LRRC36: variants seen among roughly 807,000 people sequenced by gnomAD.
The protein encoded by LRRC36 is leucine rich repeat containing 36, also known as leucine-rich repeat-containing protein 36.
A neutral mutation model predicts 81.1 loss-of-function variants in LRRC36; 62 were observed. The observed-to-expected ratio is 0.76, with a 90% CI of 0.62 to 0.94. LRRC36 has a LOEUF of 0.94. Among genes scored for constraint, LRRC36 ranks in the 40% least tolerant of loss-of-function variants. LRRC36 has a pLI of 0.00. For synonymous variants in LRRC36, 334 were observed against 348.6 expected (o/e 0.96, Z 0.47); for missense variants, 761 against 881.7 (o/e 0.86, Z 1.73).
At chr16:67,339,233 C>T (rs1472976273) in intron 1 of LRRC36, among the ~76,000 whole-genome samples, 3 of 146,292 alleles carry the variant, frequency 2.1e-5, no homozygotes, top group South Asian at 4.4e-4. Context: ...TTTGCTCTTG[C>T]ACCATAAGTG....
Position 67,376,852 on chromosome 16 carries a change from C to T in LRRC36, c.1786C>T (p.Gln596Ter). ...RRELELKEAA[Q>*]LVPNDMESLK... The stretch of plus-strand genomic sequence containing the variant: ...GGAGCTTGAACTGAAGGAGGCTGCG[C>T]AGCTGGTCCCTAATGACATGGTATG... The change falls in exon 11 of 14, where the codon CAG becomes TAG. Residue 596 changes from glutamine (Q) to a stop codon, truncating the protein, a stop_gained. Transcript: ENST00000329956. LOFTEE classifies it high-confidence loss of function. 1 of 1,612,972 alleles carries T rather than the reference C, an allele frequency of 6.2e-7. No individual in the cohort carries two copies. Among genetic ancestry groups the T allele is most frequent in the South Asian group, 1.1e-5 (1 of 91,022 alleles).
At chr16:67,340,287 C>T (rs1331129562) in intron 1 of LRRC36, among the ~76,000 whole-genome samples, 3 of 152,150 alleles carry the variant, frequency 2.0e-5, no homozygotes, top group South Asian at 2.1e-4. Context: ...GGTTGCTATT[C>T]GCAGTTTGGC....
At position 67,344,469 on chromosome 16, in the gene LRRC36, C is replaced by T. The variant is rs149269248; in HGVS notation, c.199-1787C>T. On this transcript the variant is annotated intron_variant, in intron 2 of 13. Coordinates refer to ENST00000329956, the MANE Select transcript of LRRC36 (RefSeq NM_018296.6). The stretch of plus-strand genomic sequence containing the variant: ...CAAAAACCATAGTTGTTGGTGCGTG[C>T]CTATAATCCCAGCTATTTGGGAGGC... Among the ~76,000 whole-genome samples the T allele has an allele frequency of 2.4e-3, 368 of 152,164 alleles. 7 individuals are homozygous for T. Among genetic ancestry groups the T allele is most frequent in the East Asian group, 0.018 (94 of 5,174 alleles).
intron 9 of LRRC36, among the ~76,000 whole-genome samples, 166 bp from the exon 10 acceptor site, chr16:67,375,081 C>T (rs770411690): frequency 1.3e-4 from 20 of 151,400 alleles, no homozygotes; most frequent in Non-Finnish European, 7.4e-5. Flanking sequence ...GAGCCCAGAT[C>T]GCACCACTGC....
At chr16:67,362,660 A>G (rs546448215) in intron 5 of LRRC36, among the ~76,000 whole-genome samples, 27 of 152,344 alleles carry the variant, frequency 1.8e-4, no homozygotes, top group African/African-American at 5.3e-4. Context: ...ATTAGTTACA[A>G]TTGAATAAAA....
chr16:67,360,877 C>T (rs532211524), intron 5 of LRRC36, among the ~76,000 whole-genome samples: 114 of 152,292 alleles, frequency 7.5e-4, no homozygotes, highest in African/African-American at 2.7e-3. Flanking sequence ...TTGCTACTAT[C>T]TTCTTACATA....
At position 67,363,641 on chromosome 16, in the gene LRRC36, C is replaced by G. The variant is rs749608719; in HGVS notation, c.629C>G (p.Ser210Cys). The G allele has an allele frequency of 1.2e-6, 2 of 1,613,950 alleles. No homozygotes were observed. The highest frequency in any genetic ancestry group is 1.3e-5 in the African/African-American group (1 of 75,040). The change falls in exon 6 of 14, where the codon TCC (serine) becomes TGC (cysteine). Residue 210 changes from serine (S) to cysteine (C), a missense_variant. Physicochemically the swap from Ser to Cys is moderately radical, Grantham distance 112. Around this residue, in one of 3 missense-constraint regions of LRRC36, gnomAD observed 263 missense variants for 279.3 expected, o/e 0.94. Coordinates refer to ENST00000329956, the MANE Select transcript of LRRC36 (RefSeq NM_018296.6). ...IPFPNREIKDSLSTSATQGNG... is the reference protein window; with the variant it reads ...IPFPNREIKDCLSTSATQGNG... The stretch of plus-strand genomic sequence containing the variant: ...TTCCCCAACCGGGAAATAAAGGATT[C>G]CCTAAGTACTTCTGCAACTCAGGGC...
In LRRC36 at chr16:67,326,838, G is replaced by C; in HGVS notation, c.-25G>C. ...GCGTGCGCCGGGTGGTCTCGCGGGC[G>C]GTGGCAGGTGAGCGGCGGGCGGGGA... On this transcript the variant is annotated 5_prime_UTR_variant, in exon 1 of 14. Transcript: ENST00000329956. 4 of 1,419,662 alleles carry C rather than the reference G, an allele frequency of 2.8e-6. No homozygotes were observed. Among genetic ancestry groups the C allele is most frequent in the East Asian group, 6.1e-5 (2 of 32,906 alleles). The allele number at this position is 1,419,662 out of a possible 1,614,324, so 87.9% of individuals were successfully genotyped here. A position where few individuals can be genotyped will look rare whatever the true frequency, so the allele number is the denominator to read the frequency against.
chr16:67,359,230 A>G (rs1461712410), intron 5 of LRRC36, among the ~76,000 whole-genome samples: 1 of 152,240 alleles, frequency 6.6e-6, no homozygotes, highest in Non-Finnish European at 1.5e-5. Flanking sequence ...CAGGAATGAA[A>G]GCAGCATTAT....
intron 2 of LRRC36, among the ~76,000 whole-genome samples, chr16:67,344,616 CTT>C (rs1204051465): frequency 6.6e-6 from 1 of 151,976 alleles, no homozygotes; most frequent in Non-Finnish European, 1.5e-5. Context: ...AACAAAAAAA[CTT>C]GAGCTGGGCC....
chr16:67,360,995 C>G (rs1235598711), intron 5 of LRRC36, among the ~76,000 whole-genome samples: 1 of 152,170 alleles, frequency 6.6e-6, no homozygotes, highest in Non-Finnish European at 1.5e-5. Context: ...ATGTATTGAT[C>G]AAGAGTGGAA....
At chr16:67,327,462 C>A (rs528090772) in intron 1 of LRRC36, among the ~76,000 whole-genome samples, 8 of 152,108 alleles carry the variant, frequency 5.3e-5, no homozygotes, top group Non-Finnish European at 1.0e-4. Flanking sequence ...CACTGCACTG[C>A]AGCCTGGGCG....
intron 1 of LRRC36, among the ~76,000 whole-genome samples, chr16:67,330,309 G>A (rs1179280915): frequency 6.6e-6 from 1 of 152,060 alleles, no homozygotes; most frequent in Non-Finnish European, 1.5e-5. Flanking sequence ...ATTCATTAGG[G>A]ATTGCAAAAT....
chr16:67,371,014 C>T lies in LRRC36; in HGVS notation c.1266C>T (p.Thr422=). Residue 422 remains threonine, a synonymous_variant, in exon 9 of 14, where the codon ACC becomes ACT. Coordinates refer to ENST00000329956, the MANE Select transcript of LRRC36 (RefSeq NM_018296.6). ...TCAATGTAGAGCAACAATTATCTAC[C>T]AGCCTGGATGATTTAACACCAGCAC... ...VLVNVEQQLS[T]SLDDLTPAHG... is the part of the protein sequence containing the mutation. The T allele has an allele frequency of 6.2e-7, 1 of 1,614,088 alleles. No individual in the cohort carries two copies.
At chr16:67,383,903 A>C (rs2040200744) in intron 13 of LRRC36, among the ~76,000 whole-genome samples, 1 of 152,172 alleles carries the variant, frequency 6.6e-6, no homozygotes, top group Non-Finnish European at 1.5e-5. Context: ...AAGAAGACTC[A>C]GTGTTGCTTT....
At chr16:67,338,617 A>C (rs1229546940) in intron 1 of LRRC36, among the ~76,000 whole-genome samples, 1 of 152,206 alleles carries the variant, frequency 6.6e-6, no homozygotes, top group Non-Finnish European at 1.5e-5. Context: ...TATATCTTAC[A>C]TATGGATGAA....
chr16:67,344,229 C>A (rs550437601), intron 2 of LRRC36, among the ~76,000 whole-genome samples: 25 of 152,144 alleles, frequency 1.6e-4, no homozygotes, highest in Non-Finnish European at 3.2e-4. Flanking sequence ...TACATAAATT[C>A]ATGACAACTG....
At chr16:67,362,183 GAA>G in intron 5 of LRRC36, 2 of 453,174 alleles carry the variant, frequency 4.4e-6, no homozygotes, top group Middle Eastern at 6.9e-4. Flanking sequence ...TTCTTCCCGA[GAA>G]AGAGTCTTGC....
chr16:67,356,141 A>G (rs1292553102), intron 5 of LRRC36, among the ~76,000 whole-genome samples: 1 of 152,234 alleles, frequency 6.6e-6, no homozygotes, highest in Non-Finnish European at 1.5e-5. Context: ...ATTTGCCTTT[A>G]AATAGAGTCT....
Sources: gnomAD v4.1 joint callset for allele counts (sites outside exome capture counted in the v4.1 genomes callset) on GRCh38, gnomAD v4.1.1 for gene constraint, gnomAD v4.1.1 regional missense constraint, MANE v1.5 for transcripts, NCBI Gene and HGNC (gene_info 2026-07-23, HGNC 2026-07-21) for gene names.